Variants in BST1 observed in about 807,000 individuals in gnomAD.
BST1 encodes the protein ADP-ribosyl cyclase/cyclic ADP-ribose hydrolase 2.
BST1 carries 49 observed loss-of-function variants against 40.6 expected under a neutral mutation model. The observed-to-expected ratio is 1.21, with a 90% CI of 0.96 to 1.53. The LOEUF is 1.53. Ranked by LOEUF, BST1 falls within the 40% of genes most tolerant of loss-of-function variation. BST1 has a pLI of 0.00. For synonymous variants in BST1, 157 were observed against 159.3 expected (o/e 0.99, Z 0.11); for missense variants, 423 against 395.9 (o/e 1.07, Z -0.58).
chr4:15,743,583 C>T, the BST1 span: 2 of 339,228 alleles, frequency 5.9e-6, no homozygotes, highest in Non-Finnish European at 5.8e-6. Context: ...AAGGGCCCAG[C>T]TGGGAGCCTC....
intron 7 of BST1, among the ~76,000 whole-genome samples, chr4:15,720,599 C>CAA (rs575238008): frequency 0.012 from 1,330 of 110,060 alleles, 18 homozygotes; most frequent in African/African-American, 0.041. Context: ...GACTCTGTCT[C>CAA]AAAAAAAAAA....
At chr4:15,724,269 C>T (rs566830893) in intron 8 of BST1, among the ~76,000 whole-genome samples, 2 of 152,342 alleles carry the variant, frequency 1.3e-5, no homozygotes, top group South Asian at 4.1e-4. Flanking sequence ...ACCATCTATG[C>T]CTGTAGGATC....
the BST1 span, among the ~76,000 whole-genome samples, chr4:15,769,190 C>A: frequency 6.6e-6 from 1 of 152,198 alleles, no homozygotes; most frequent in Admixed American, 6.5e-5. Context: ...ATGGTTTTAG[C>A]CGGTGAATCC....
downstream of BST1, among the ~76,000 whole-genome samples, chr4:15,735,384 G>A (rs775358634): frequency 7.2e-5 from 11 of 152,100 alleles, no homozygotes; most frequent in Non-Finnish European, 1.2e-4. Context: ...GACCTTCCAC[G>A]TGTGAATGAA....
the BST1 span, among the ~76,000 whole-genome samples, chr4:15,748,336 T>G: frequency 6.6e-6 from 1 of 152,312 alleles, no homozygotes; most frequent in East Asian, 1.9e-4. Context: ...AGACAGGTTC[T>G]GAAGAGGCAA....
At chr4:15,766,389 GGGA>G in the BST1 span, among the ~76,000 whole-genome samples, 11 of 151,892 alleles carry the variant, frequency 7.2e-5, no homozygotes, top group Non-Finnish European at 1.2e-4. Context: ...TCAGACCTAA[GGGA>G]GGATGTGGCT....
At position 15,705,558 on chromosome 4, in the gene BST1, C is replaced by T. The variant is rs1719834411; in HGVS notation, c.232C>T (p.Leu78=). ...CATCTGGGAAGCCTTTAAAGTGGCG[C>T]TGGACAAGGATCCCTGCTCCGTGCT... ...TAIWEAFKVA[L]DKDPCSVLPS... The change falls in exon 2 of 9, where the codon CTG becomes TTG. Residue 78 remains leucine, a synonymous_variant. Coordinates refer to ENST00000265016, the MANE Select transcript of BST1 (RefSeq NM_004334.3). 1.9e-6 allele frequency: 3 copies of T among 1,607,844 alleles called. No individual in the cohort carries two copies. The highest frequency in any genetic ancestry group is 2.5e-6 in the Non-Finnish European group (3 of 1,177,446).
At chr4:15,738,059 C>A in exon 7 of BST1, 1 of 278,162 alleles carries the variant, frequency 3.6e-6, no homozygotes, top group Non-Finnish European at 7.3e-6. Context: ...TATATGTGTC[C>A]AAACCTACAG....
Position 15,731,855 on chromosome 4 carries a change from G to C in BST1, c.*10G>C. Reference sequence around the variant, plus strand: ...CAGGACTCAACTGTAACTGGAAACTGTGTTGCTCTAACCCTCCTCCAGCCC... The same window carrying C: ...CAGGACTCAACTGTAACTGGAAACTCTGTTGCTCTAACCCTCCTCCAGCCC... On this transcript the variant is annotated 3_prime_UTR_variant, in exon 9 of 9. Transcript: ENST00000265016. The C allele has an allele frequency of 6.2e-7, 1 of 1,610,556 alleles. No homozygotes were observed. Among genetic ancestry groups the C allele is most frequent in the Middle Eastern group, 1.7e-4 (1 of 6,058 alleles).
the BST1 span, among the ~76,000 whole-genome samples, chr4:15,746,863 T>C: frequency 6.6e-6 from 1 of 152,198 alleles, no homozygotes; most frequent in Non-Finnish European, 1.5e-5. Context: ...AGTCCATTTG[T>C]CATCTAGCCT....
chr4:15,735,853 A>G (rs1271863612), downstream of BST1, among the ~76,000 whole-genome samples: 3 of 152,218 alleles, frequency 2.0e-5, no homozygotes, highest in Non-Finnish European at 4.4e-5. Context: ...TGAGTTCCAT[A>G]AGAAAAATAA....
chr4:15,742,702 A>T (rs1721774317), downstream of BST1, among the ~76,000 whole-genome samples: 1 of 152,240 alleles, frequency 6.6e-6, no homozygotes, highest in Non-Finnish European at 1.5e-5. Context: ...GGAAACACTG[A>T]TGAAGAAGTG....
At chr4:15,751,075 C>T in the BST1 span, among the ~76,000 whole-genome samples, 2 of 152,118 alleles carry the variant, frequency 1.3e-5, no homozygotes, top group East Asian at 3.8e-4. Flanking sequence ...CTACCAGAGG[C>T]ATGAATCAGG....
At chr4:15,724,162 CT>C (rs1310867957) in intron 8 of BST1, among the ~76,000 whole-genome samples, 3 of 152,174 alleles carry the variant, frequency 2.0e-5, no homozygotes, top group African/African-American at 7.2e-5. Flanking sequence ...CTTCCTAGCC[CT>C]GCTATCGTTC....
the BST1 span, among the ~76,000 whole-genome samples, chr4:15,745,474 A>G: frequency 6.6e-6 from 1 of 152,172 alleles, no homozygotes; most frequent in African/African-American, 2.4e-5. Context: ...TGCCCCCAAA[A>G]TTATGTAGTT....
At chr4:15,749,529 T>C in the BST1 span, among the ~76,000 whole-genome samples, 1 of 152,238 alleles carries the variant, frequency 6.6e-6, no homozygotes, top group Non-Finnish European at 1.5e-5. Flanking sequence ...ATCACCGTCC[T>C]GGTCATTTTA....
Position 15,705,638 on chromosome 4 carries a change from T to G in BST1, c.312T>G (p.Asp104Glu). The change falls in exon 2 of 9, where the codon GAT (aspartate) becomes GAG (glutamate). Residue 104 changes from aspartate to glutamate, a missense_variant. Coordinates refer to ENST00000265016, the MANE Select transcript of BST1 (RefSeq NM_004334.3). The part of the protein sequence containing the change: ...INLSRHSIPR[D>E]KSLFWENSHL... ...TGTCCAGGCACTCTATTCCCAGAGA[T>G]AAGGTAACACCACAACCATCTTGGG... 6.2e-7 allele frequency: 1 copy of G among 1,613,988 alleles called. No individual in the cohort carries two copies. Among genetic ancestry groups the G allele is most frequent in the Non-Finnish European group, 8.5e-7 (1 of 1,179,888 alleles).
At chr4:15,715,943 G>C (rs987131700) in intron 6 of BST1, 144 bp downstream of exon 6, 7 of 588,022 alleles carry the variant, frequency 1.2e-5, no homozygotes, top group Non-Finnish European at 1.9e-5. Context: ...AAAGACAAAA[G>C]CTTGACTTTC....
the BST1 span, among the ~76,000 whole-genome samples, chr4:15,764,519 C>T: frequency 1.3e-5 from 2 of 151,928 alleles, no homozygotes; most frequent in Admixed American, 6.6e-5. Context: ...AAAATTTTGG[C>T]ACAAGTTGGT....
Sources: allele counts gnomAD v4.1 joint callset (sites outside exome capture counted in the v4.1 genomes callset), GRCh38; gene constraint gnomAD v4.1.1; transcripts MANE v1.5; gene names NCBI Gene and HGNC (gene_info 2026-07-23, HGNC 2026-07-21).